Variants in TMEM117 observed in about 807,000 individuals in gnomAD.
TMEM117 encodes the protein transmembrane protein 117.
TMEM117 carries 27 observed loss-of-function variants against 52.4 expected under a neutral mutation model. The observed-to-expected ratio is 0.51, with a 90% CI of 0.38 to 0.71. The LOEUF (loss-of-function observed/expected upper bound fraction) is 0.71, where lower values mean the gene tolerates loss of function less well. Among genes scored for constraint, TMEM117 ranks in the 30% least tolerant of loss-of-function variants. The pLI is 0.00. For missense variants in TMEM117, 556 were observed against 630.5 expected, an observed-to-expected ratio of 0.88 and a Z score of 1.26; for synonymous variants, 215 against 206.3, an observed-to-expected ratio of 1.04 and a Z score of -0.36.
chr12:44,043,492 A>G (rs1946833233), intron 3 of TMEM117, among the ~76,000 whole-genome samples: 1 of 152,090 alleles, frequency 6.6e-6, no homozygotes, highest in African/African-American at 2.4e-5. Flanking sequence ...TTTTTTTGCC[A>G]TAAGGAACAG....
At chr12:44,027,606 A>G (rs1158331547) in intron 3 of TMEM117, among the ~76,000 whole-genome samples, 1 of 152,226 alleles carries the variant, frequency 6.6e-6, no homozygotes, top group Non-Finnish European at 1.5e-5. Context: ...TATGAGGAAT[A>G]CTACATGAGA....
chr12:43,930,009 G>A (rs1360267883), intron 2 of TMEM117, among the ~76,000 whole-genome samples: 6 of 152,074 alleles, frequency 3.9e-5, no homozygotes, highest in Non-Finnish European at 7.4e-5. Context: ...GGTTCATGAT[G>A]ATACAATCTT....
chr12:44,240,313 GA>G (rs2138478730), intron 5 of TMEM117, among the ~76,000 whole-genome samples: 1 of 152,250 alleles, frequency 6.6e-6, no homozygotes, highest in Non-Finnish European at 1.5e-5. Flanking sequence ...ATTATGAAAG[GA>G]ACATGTCTCT....
At chr12:44,220,969 G>A (rs1949780612) in intron 5 of TMEM117, among the ~76,000 whole-genome samples, 1 of 152,154 alleles carries the variant, frequency 6.6e-6, no homozygotes, top group East Asian at 1.9e-4. Context: ...CATAATTTAT[G>A]TAGATATTCC....
intron 3 of TMEM117, among the ~76,000 whole-genome samples, chr12:43,951,035 G>A (rs1000341509): frequency 1.3e-5 from 2 of 152,178 alleles, no homozygotes; most frequent in Admixed American, 1.3e-4. Context: ...CTTCACCCAG[G>A]AAGTGCATGG....
intron 6 of TMEM117, among the ~76,000 whole-genome samples, chr12:44,300,015 G>A (rs898414144): frequency 2.0e-5 from 3 of 151,846 alleles, no homozygotes; most frequent in African/African-American, 7.3e-5. Context: ...TAGGCTTTAG[G>A]GGGAAAAAAA....
intron 3 of TMEM117, among the ~76,000 whole-genome samples, chr12:44,100,993 G>A (rs1358244331): frequency 2.0e-5 from 3 of 151,828 alleles, no homozygotes; most frequent in African/African-American, 7.3e-5. Flanking sequence ...CAAGATTAAG[G>A]TACCTGCAGA....
At chr12:43,840,097 A>T (rs1211883115) in intron 1 of TMEM117, among the ~76,000 whole-genome samples, 1 of 152,178 alleles carries the variant, frequency 6.6e-6, no homozygotes, top group East Asian at 1.9e-4. Flanking sequence ...TTTTAATATC[A>T]GATGGCTTTA....
At chr12:43,928,659 A>G (rs1227723867) in intron 2 of TMEM117, among the ~76,000 whole-genome samples, 1 of 151,580 alleles carries the variant, frequency 6.6e-6, no homozygotes, top group Non-Finnish European at 1.5e-5. Flanking sequence ...TTAGTTACAT[A>G]TGTATACATG....
chr12:43,964,106 A>G (rs141842833), intron 3 of TMEM117, among the ~76,000 whole-genome samples: 2 of 152,270 alleles, frequency 1.3e-5, no homozygotes, highest in African/African-American at 2.4e-5. Context: ...GGAGGGCTCT[A>G]CTGCTTGTCG....
At chr12:43,829,741 A>T in the TMEM117 span, among the ~76,000 whole-genome samples, 1 of 152,184 alleles carries the variant, frequency 6.6e-6, no homozygotes. Flanking sequence ...TGGAAGTGGG[A>T]GCCTCTGTGT....
At chr12:44,128,234 T>C (rs1437358257) in intron 3 of TMEM117, among the ~76,000 whole-genome samples, 4 of 152,114 alleles carry the variant, frequency 2.6e-5, no homozygotes, top group Non-Finnish European at 1.5e-5. Flanking sequence ...TTCTCTTCCT[T>C]TGTCTGTCTG....
intron 3 of TMEM117, among the ~76,000 whole-genome samples, chr12:44,082,465 A>G (rs183102834): frequency 7.2e-5 from 11 of 152,076 alleles, no homozygotes; most frequent in East Asian, 1.9e-4. Flanking sequence ...ATTACTAAAT[A>G]TTTTTATCAT....
At chr12:44,069,184 T>G (rs1227648126) in intron 3 of TMEM117, among the ~76,000 whole-genome samples, 1 of 152,232 alleles carries the variant, frequency 6.6e-6, no homozygotes, top group Non-Finnish European at 1.5e-5. Flanking sequence ...TTTTTTAAAA[T>G]GTTACATTTT....
chr12:43,944,295 A>G lies in TMEM117; in HGVS notation c.363A>G (p.Ile121Met), dbSNP rs1328441216. 1.9e-6 allele frequency: 3 copies of G among 1,612,866 alleles called. No homozygotes were observed. Among genetic ancestry groups the G allele is most frequent in the Non-Finnish European group, 2.5e-6 (3 of 1,179,182 alleles). The stretch of plus-strand genomic sequence containing the variant: ...TCAGCACAATTCTCTTTCTCTTCAT[A>G]TTTTCTCACATATACAACACGATTC... ...MFFSTILFLF[I>M]FSHIYNTILL... The change falls in exon 3 of 8, where the codon ATA becomes ATG. Residue 121 changes from isoleucine to methionine, a missense_variant. By Grantham distance (10) the Ile-to-Met change is conservative. This residue lies in a region of TMEM117 where 328 missense variants were observed against 371.4 expected (regional missense o/e 0.88). Coordinates refer to ENST00000266534, the MANE Select transcript of TMEM117 (RefSeq NM_032256.3).
chr12:44,135,035 T>C (rs909716914), intron 3 of TMEM117, among the ~76,000 whole-genome samples: 18 of 152,136 alleles, frequency 1.2e-4, no homozygotes, highest in Admixed American at 1.0e-3. Context: ...TCTCACTCTC[T>C]GCCACTCTCA....
At chr12:43,821,622 A>G in the TMEM117 span, among the ~76,000 whole-genome samples, 1 of 152,256 alleles carries the variant, frequency 6.6e-6, no homozygotes, top group African/African-American at 2.4e-5. Flanking sequence ...ATATTCCCCA[A>G]AATGCCTGAA....
At chr12:44,229,504 T>C (rs1226039584) in intron 5 of TMEM117, among the ~76,000 whole-genome samples, 2 of 152,068 alleles carry the variant, frequency 1.3e-5, no homozygotes, top group Non-Finnish European at 2.9e-5. Flanking sequence ...CAGGTAAATG[T>C]ACCATGCTAC....
chr12:44,281,712 TG>T (rs1286255643), intron 5 of TMEM117, among the ~76,000 whole-genome samples: 1 of 152,212 alleles, frequency 6.6e-6, no homozygotes, highest in Non-Finnish European at 1.5e-5. Flanking sequence ...TTTTAAAAGC[TG>T]AGACAATGTT....
Sources: gnomAD v4.1 joint callset for allele counts (sites outside exome capture counted in the v4.1 genomes callset) on GRCh38, gnomAD v4.1.1 for gene constraint, gnomAD v4.1.1 regional missense constraint, MANE v1.5 for transcripts, NCBI Gene and HGNC (gene_info 2026-07-23, HGNC 2026-07-21) for gene names.